CKAP4: variants seen among roughly 807,000 people sequenced by gnomAD.
The protein encoded by CKAP4 is cytoskeleton associated protein 4.
In CKAP4, 20 loss-of-function variants were observed where a neutral mutation model predicts 24.4. The ratio of observed to expected loss-of-function variants is 0.82; its 90% CI spans 0.58 to 1.19. The LOEUF (loss-of-function observed/expected upper bound fraction) is 1.19, where lower values mean the gene tolerates loss of function less well. Among genes scored for constraint, CKAP4 ranks in the 50% most tolerant of loss-of-function variants. CKAP4 has a pLI of 0.00. For missense variants in CKAP4, 744 were observed against 765.3 expected, an observed-to-expected ratio of 0.97 and a Z score of 0.33; for synonymous variants, 378 against 351.7, an observed-to-expected ratio of 1.07 and a Z score of -0.84.
Position 106,239,802 on chromosome 12 carries a change from G to A in CKAP4, c.1031C>T (p.Thr344Met), listed in dbSNP as rs567820155. The change falls in exon 2 of 2, where the codon ACG (threonine) becomes ATG (methionine). Residue 344 changes from threonine (T) to methionine (M), a missense_variant. Physicochemically the swap from Thr to Met is moderately conservative, Grantham distance 81. Transcript: ENST00000378026. The surrounding 1 kb of genome is among the most constrained non-coding windows in gnomAD (Gnocchi z 4.9). ...GAGGGCCTGCAGGGCGAGCCGCTCC[G>A]TGTCGGCCGCCTCCTTGAAAGCCTG... ...EQQAFKEAAD[T>M]ERLALQALTE... 65 of 1,614,070 alleles carry A rather than the reference G, an allele frequency of 4.0e-5. No individual in the cohort carries two copies. The Middle Eastern group carries it at 6.6e-4, about 16-fold the overall frequency.
Position 106,240,151 on chromosome 12 carries a change from G to A in CKAP4, c.682C>T (p.Arg228Trp), listed in dbSNP as rs764382147. 18 of 1,613,992 alleles carry A rather than the reference G, an allele frequency of 1.1e-5. No homozygotes were observed. The highest frequency in any genetic ancestry group is 1.4e-5 in the Non-Finnish European group (17 of 1,180,014). ...GTGTTCTCCAGGGACGTGAAGTCCC[G>A]CTCCCGGGCGTCCTTCACCACATGG... ...GIHVVKDARE[R>W]DFTSLENTVE... The change falls in exon 2 of 2, where the codon CGG becomes TGG. Residue 228 changes from arginine (R) to tryptophan (W), a missense_variant. By Grantham distance (101) the Arg-to-Trp change is moderately radical. This residue lies in a region of CKAP4 where 43 missense variants were observed against 76.4 expected (regional missense o/e 0.56). Transcript: ENST00000378026.
At position 106,248,015 on chromosome 12, in the gene CKAP4, G is replaced by A; in HGVS notation, c.-164C>T. On this transcript the variant is annotated 5_prime_UTR_variant, in exon 1 of 2. Transcript: ENST00000378026. ...CGCGGCCGGGGAAGGAGGCCGGGCC[G>A]AGGAGGCGGGAGGAGGGGGCCTGCC... is the stretch of plus-strand genomic sequence containing the variant. The A allele has an allele frequency of 4.4e-6, 1 of 229,778 alleles. No homozygotes were observed. Among genetic ancestry groups the A allele is most frequent in the Non-Finnish European group, 7.3e-6 (1 of 137,738 alleles). The allele number at this position is 229,778 out of a possible 1,614,324, so 14.2% of individuals were successfully genotyped here. A position where few individuals can be genotyped will look rare whatever the true frequency, so the allele number is the denominator to read the frequency against.
At position 106,239,506 on chromosome 12, in the gene CKAP4, C is replaced by T. The variant is rs750041439; in HGVS notation, c.1327G>A (p.Glu443Lys). The change falls in exon 2 of 2, where the codon GAG becomes AAG. Residue 443 changes from glutamate to lysine, a missense_variant. Around this residue, in one of 3 missense-constraint regions of CKAP4, gnomAD observed 401 missense variants for 424.5 expected, o/e 0.94. Coordinates refer to ENST00000378026, the MANE Select transcript of CKAP4 (RefSeq NM_006825.4). This position sits in a 1 kb window ranked among gnomAD's most constrained non-coding sequence, Gnocchi z 4.9. ...AGGGCGGCCAGGCGCTGCTCGTGCT[C>T]CTGGCTCTTGGACAGGAGGGACTCC... is the stretch of plus-strand genomic sequence containing the variant. ...SLESLLSKSQ[E>K]HEQRLAALQG... is the part of the protein sequence containing the mutation. 1.2e-6 allele frequency: 2 copies of T among 1,609,372 alleles called. No individual in the cohort carries two copies. The highest frequency in any genetic ancestry group is 4.5e-5 in the East Asian group (2 of 44,866).
chr12:106,239,122 C>T lies in CKAP4; in HGVS notation c.1711G>A (p.Glu571Lys), dbSNP rs1453519278. ...CCCTTGGCTGATTCCAGATTGTTCT[C>T]GTTGGTTTCTATTTTGACCGAGTAT... Reference protein sequence around the residue: ...VAYSVKIETNENNLESAKGLL... With the variant: ...VAYSVKIETNKNNLESAKGLL... The change falls in exon 2 of 2, where the codon GAG (glutamate) becomes AAG (lysine). Residue 571 changes from glutamate to lysine, a missense_variant. Around this residue, in one of 3 missense-constraint regions of CKAP4, gnomAD observed 401 missense variants for 424.5 expected, o/e 0.94. Coordinates refer to ENST00000378026, the MANE Select transcript of CKAP4 (RefSeq NM_006825.4). The surrounding 1 kb of genome is among the most constrained non-coding windows in gnomAD (Gnocchi z 4.9). 3.1e-6 allele frequency: 5 copies of T among 1,613,910 alleles called. No homozygotes were observed. Among genetic ancestry groups the T allele is most frequent in the South Asian group, 2.2e-5 (2 of 91,082 alleles).
chr12:106,244,387 G>A (rs772497828), intron 1 of CKAP4, among the ~76,000 whole-genome samples: 5 of 152,252 alleles, frequency 3.3e-5, no homozygotes, highest in Non-Finnish European at 7.3e-5. Context: ...AGAGTCAGCA[G>A]ATGATGCATT....
chr12:106,239,739 C>T lies in CKAP4; in HGVS notation c.1094G>A (p.Arg365His), dbSNP rs141394460. 114 of 1,614,000 alleles carry T rather than the reference C, an allele frequency of 7.1e-5. No homozygotes were observed. Among genetic ancestry groups the T allele is most frequent in the Admixed American group, 4.5e-4 (27 of 60,028 alleles). ...KLLRSEESVS[R>H]LPEEIRRLEE... is the part of the protein sequence containing the mutation. ...CAGTCTCCGGATCTCCTCCGGGAGG[C>T]GGGAGACGGACTCCTCAGACCTGAG... is the stretch of plus-strand genomic sequence containing the variant. The change falls in exon 2 of 2, where the codon CGC becomes CAC. Residue 365 changes from arginine to histidine, a missense_variant. Around this residue, in one of 3 missense-constraint regions of CKAP4, gnomAD observed 401 missense variants for 424.5 expected, o/e 0.94. Transcript: ENST00000378026. This position sits in a 1 kb window ranked among gnomAD's most constrained non-coding sequence, Gnocchi z 4.9.
At chr12:106,244,885 C>G (rs1272211130) in intron 1 of CKAP4, among the ~76,000 whole-genome samples, 2 of 152,160 alleles carry the variant, frequency 1.3e-5, no homozygotes, top group Non-Finnish European at 2.9e-5. Context: ...GAGCCCTCTT[C>G]TCATTGTGTG....
At position 106,239,015 on chromosome 12, in the gene CKAP4, G is replaced by T. The variant is rs746491744; in HGVS notation, c.*9C>A. On this transcript the variant is annotated 3_prime_UTR_variant, in exon 2 of 2. Transcript: ENST00000378026. This position sits in a 1 kb window ranked among gnomAD's most constrained non-coding sequence, Gnocchi z 4.9. ...GACTTTAAATCCGCGCCCTGCACAC[G>T]CAATTCATTTAGACCTTTTCGTGAA... is the stretch of plus-strand genomic sequence containing the variant. The T allele has an allele frequency of 6.2e-7, 1 of 1,607,262 alleles. No homozygotes were observed. Among genetic ancestry groups the T allele is most frequent in the Non-Finnish European group, 8.5e-7 (1 of 1,174,442 alleles).
chr12:106,245,855 ACAGTGCC>A (rs1268425025), intron 1 of CKAP4, among the ~76,000 whole-genome samples: 136 of 152,038 alleles, frequency 8.9e-4, no homozygotes, highest in African/African-American at 3.0e-3. Context: ...TCGGCCTCCT[ACAGTGCC>A]GGGATTACAG....
intron 1 of CKAP4, among the ~76,000 whole-genome samples, chr12:106,244,955 G>A (rs1355164718): frequency 3.3e-5 from 5 of 152,142 alleles, no homozygotes; most frequent in Non-Finnish European, 7.3e-5. Flanking sequence ...TGATGGAGAA[G>A]GGGTGAGAAG....
chr12:106,240,675 A>G (rs1028468185), intron 1 of CKAP4, among the ~76,000 whole-genome samples: 5 of 150,856 alleles, frequency 3.3e-5, no homozygotes, highest in African/African-American at 1.2e-4. Flanking sequence ...TTGCAAAAAA[A>G]AAAAAAAGAA....
chr12:106,241,331 C>CTTTT lies in CKAP4; in HGVS notation c.484-986_484-983dup, dbSNP rs34135868. Reference sequence around the variant, plus strand: ...AAACTAAAAATGTCAGCCAGGGATTCTTTTTTTTTTTTTTTTTTTGAGACG... The same window carrying CTTTT: ...AAACTAAAAATGTCAGCCAGGGATTCTTTTTTTTTTTTTTTTTTTTTTTGAGACG... On this transcript the variant is annotated intron_variant, in intron 1 of 1. Coordinates refer to ENST00000378026, the MANE Select transcript of CKAP4 (RefSeq NM_006825.4). Among the ~76,000 whole-genome samples, 451 of 127,468 alleles carry CTTTT rather than the reference C, an allele frequency of 3.5e-3. 9 individuals are homozygous for CTTTT. The highest frequency in any genetic ancestry group is 0.011 in the African/African-American group (357 of 32,828). 83.6% of individuals were successfully genotyped at this position (127,468 alleles called of 152,430 possible). A position where few individuals can be genotyped will look rare whatever the true frequency, so the allele number is the denominator to read the frequency against.
In CKAP4 at chr12:106,247,600, G is replaced by A. The variant is rs1032094117; in HGVS notation, c.252C>T (p.Ser84=). The change falls in exon 1 of 2, where the codon TCC becomes TCT. Residue 84 remains serine, a synonymous_variant. Transcript: ENST00000378026. This position sits in a 1 kb window ranked among gnomAD's most constrained non-coding sequence, Gnocchi z 4.5. ...CGGCGGCGGCAGCGGCGGCGGAGGC[G>A]GAGGAGGAGGAGGAGGACTTGCCGC... ...GGGGKSSSSS[S]ASAAAAAAAA... is the part of the protein sequence containing the mutation. 2.4e-6 allele frequency: 3 copies of A among 1,256,792 alleles called. No homozygotes were observed. The highest frequency in any genetic ancestry group is 2.0e-6 in the Non-Finnish European group (2 of 979,782). The allele number at this position is 1,256,792 out of a possible 1,614,324, so 77.9% of individuals were successfully genotyped here.
At chr12:106,244,071 T>C (rs1376184754) in intron 1 of CKAP4, among the ~76,000 whole-genome samples, 1 of 152,168 alleles carries the variant, frequency 6.6e-6, no homozygotes, top group African/African-American at 2.4e-5. Context: ...CACAACTGGT[T>C]CCTCAATGCA....
chr12:106,239,645 C>G lies in CKAP4; in HGVS notation c.1188G>C (p.Ser396=). The G allele has an allele frequency of 6.2e-7, 1 of 1,614,210 alleles. No individual in the cohort carries two copies. Among genetic ancestry groups the G allele is most frequent in the Non-Finnish European group, 8.5e-7 (1 of 1,180,044 alleles). The part of the protein sequence containing the change: ...GPKEDGGFRH[S]EAFEALQQKS... Reference sequence around the variant, plus strand: ...TTTGCTGGAGTGCCTCAAAGGCTTCCGAGTGTCTGAAGCCTCCGTCCTCCT... The same window carrying G: ...TTTGCTGGAGTGCCTCAAAGGCTTCGGAGTGTCTGAAGCCTCCGTCCTCCT... Residue 396 remains serine (S), a synonymous_variant, in exon 2 of 2, where the codon TCG becomes TCC. Transcript: ENST00000378026. The surrounding 1 kb of genome is among the most constrained non-coding windows in gnomAD (Gnocchi z 4.9).
At chr12:106,241,087 C>G (rs1051748124) in intron 1 of CKAP4, among the ~76,000 whole-genome samples, 5 of 151,908 alleles carry the variant, frequency 3.3e-5, no homozygotes, top group Non-Finnish European at 7.4e-5. Context: ...TCTAAAACAA[C>G]AAAAAAATTA....
chr12:106,242,068 G>A (rs1321719342), intron 1 of CKAP4, among the ~76,000 whole-genome samples: 1 of 152,238 alleles, frequency 6.6e-6, no homozygotes, highest in Admixed American at 6.5e-5. Context: ...GAGCCAGACT[G>A]CCTAGGTTCA....
rs1169843271 is a variant in CKAP4 at position 106,247,789 on chromosome 12, C to T, written c.63G>A (p.Lys21=). 9 of 1,055,114 alleles carry T rather than the reference C, an allele frequency of 8.5e-6. No homozygotes were observed. The highest frequency in any genetic ancestry group is 4.4e-4 in the Middle Eastern group (1 of 2,248). 65.4% of individuals were successfully genotyped at this position (1,055,114 alleles called of 1,614,324 possible). The part of the protein sequence containing the change: ...GGHGAASPSE[K]GAHPSGGADD... ...CCGCGCCGCCCGACGGGTGGGCACC[C>T]TTCTCCGAGGGGCTCGCGGCGCCGT... The change falls in exon 1 of 2, where the codon AAG becomes AAA. Residue 21 remains lysine (K), a synonymous_variant. Coordinates refer to ENST00000378026, the MANE Select transcript of CKAP4 (RefSeq NM_006825.4). This position sits in a 1 kb window ranked among gnomAD's most constrained non-coding sequence, Gnocchi z 4.5.
chr12:106,241,607 A>G (rs1013275314), intron 1 of CKAP4, among the ~76,000 whole-genome samples: 2 of 152,146 alleles, frequency 1.3e-5, no homozygotes, highest in African/African-American at 2.4e-5. Flanking sequence ...TGCTGGGATT[A>G]CAGGCGTGAG....
Sources: gnomAD v4.1 joint callset for allele counts (sites outside exome capture counted in the v4.1 genomes callset) on GRCh38, gnomAD v4.1.1 for gene constraint, gnomAD v4.1.1 regional missense constraint, Gnocchi (gnomAD v3.1) non-coding constraint, MANE v1.5 for transcripts, NCBI Gene and HGNC (gene_info 2026-07-23, HGNC 2026-07-21) for gene names.